Variants in NFATC1 observed in about 807,000 individuals in gnomAD.
The protein encoded by NFATC1 is nuclear factor of activated T-cells, cytoplasmic 1.
A neutral mutation model predicts 76.0 loss-of-function variants in NFATC1; 22 were observed. That is an observed-to-expected ratio of 0.29 (90% CI 0.21 to 0.41). NFATC1 has a LOEUF of 0.41. NFATC1 is among the 10% of genes least tolerant of loss of function. The probability of loss-of-function intolerance (pLI) is 1.00; values close to 1 mark genes in which losing one functional copy is unlikely to be tolerated. For synonymous variants in NFATC1, 704 were observed against 613.1 expected (o/e 1.15, Z -2.19); for missense variants, 1,357 against 1,337.7 (o/e 1.01, Z -0.23).
intron 9 of NFATC1, among the ~76,000 whole-genome samples, chr18:79,506,360 C>T (rs2090121139): frequency 6.6e-6 from 1 of 152,252 alleles, no homozygotes; most frequent in Middle Eastern, 3.4e-3. Context: ...TGCGCCTTGT[C>T]CCCCCATCTT....
chr18:79,458,367 C>T (rs963957150), intron 6 of NFATC1, among the ~76,000 whole-genome samples: 4 of 152,184 alleles, frequency 2.6e-5, no homozygotes, highest in Non-Finnish European at 4.4e-5. Context: ...GGGAGCAGGG[C>T]TCGAGGGCAC....
At chr18:79,464,845 A>T (rs1464660173) in intron 7 of NFATC1, among the ~76,000 whole-genome samples, 1 of 151,238 alleles carries the variant, frequency 6.6e-6, no homozygotes, top group Non-Finnish European at 1.5e-5. Flanking sequence ...AGCTGGGGAC[A>T]CAAGTGTGCC....
At chr18:79,408,562 C>T (rs1001331157) in intron 1 of NFATC1, among the ~76,000 whole-genome samples, 1 of 152,232 alleles carries the variant, frequency 6.6e-6, no homozygotes, top group Non-Finnish European at 1.5e-5. Flanking sequence ...GGATATGAGC[C>T]AGTATCAGAA....
At position 79,477,405 on chromosome 18, in the gene NFATC1, T is replaced by C. The variant is rs1048791750; in HGVS notation, c.2093-8843T>C. 4.6e-5 allele frequency among the ~76,000 whole-genome samples: 7 copies of C among 152,258 alleles called. No individual in the cohort carries two copies. The South Asian group carries it at 1.0e-3, about 22-fold the overall frequency. On this transcript the variant is annotated intron_variant, in intron 8 of 9. Coordinates refer to ENST00000427363, the MANE Select transcript of NFATC1 (RefSeq NM_001278669.2). Reference sequence around the variant, plus strand: ...AGGGAACTGTCTTGGGATCATTCTTTGCTGTGCACAGCAGCTGCAGCCTGC... The same window carrying C: ...AGGGAACTGTCTTGGGATCATTCTTCGCTGTGCACAGCAGCTGCAGCCTGC...
At chr18:79,451,909 G>T in intron 6 of NFATC1, 93 bp downstream of exon 6, 1 of 1,463,848 alleles carries the variant, frequency 6.8e-7, no homozygotes, top group Non-Finnish European at 9.2e-7. Context: ...CCTGTGCACG[G>T]TCACCGGGAC....
rs543288539 is a variant in NFATC1 at position 79,493,003 on chromosome 18, CAAT to C, written c.2782+6067_2782+6069del. 6.6e-4 allele frequency among the ~76,000 whole-genome samples: 94 copies of C among 141,454 alleles called. 1 individual carries two copies. The highest frequency in any genetic ancestry group is 2.2e-3 in the African/African-American group (86 of 38,364). The allele number at this position is 141,454 out of a possible 152,430, so 92.8% of individuals were successfully genotyped here. On this transcript the variant is annotated intron_variant, in intron 9 of 9. Coordinates refer to ENST00000427363, the MANE Select transcript of NFATC1 (RefSeq NM_001278669.2). ...TGCTTGACCCATAAATAAATTCCAA[CAAT>C]GAGGTCGTCTTTGTTTCTCCTGAAT...
chr18:79,401,423 G>A (rs1309768462), intron 1 of NFATC1, among the ~76,000 whole-genome samples: 2 of 152,140 alleles, frequency 1.3e-5, no homozygotes, highest in African/African-American at 4.8e-5. Context: ...TGCTGCCTGC[G>A]GTTCTCGACT....
At chr18:79,489,724 A>C (rs1360863280) in intron 9 of NFATC1, among the ~76,000 whole-genome samples, 1 of 152,134 alleles carries the variant, frequency 6.6e-6, no homozygotes, top group Non-Finnish European at 1.5e-5. Context: ...CATCTCGTCC[A>C]CGTACGCTTC....
rs192614938 is a variant in NFATC1, at chr18:79,405,576, G to A, written c.128-4827G>A. Among the ~76,000 whole-genome samples, 836 of 152,352 alleles carry A rather than the reference G, an allele frequency of 5.5e-3. 6 individuals carry two copies. The highest frequency in any genetic ancestry group is 9.2e-3 in the Non-Finnish European group (627 of 68,038). On this transcript the variant is annotated intron_variant, in intron 1 of 9. Transcript: ENST00000427363. ...CCAGGACAGTGGCCCCCGGCGTGTG[G>A]GGCTTGGCCTCTGGGGGCAGCTTGA...
intron 3 of NFATC1, among the ~76,000 whole-genome samples, chr18:79,435,011 A>G (rs1004628880): frequency 2.0e-5 from 3 of 152,242 alleles, no homozygotes; most frequent in Non-Finnish European, 2.9e-5. Flanking sequence ...AAGGTCAGAC[A>G]GCGCTGCACC....
At position 79,475,535 on chromosome 18, in the gene NFATC1, T is replaced by C. The variant is rs541986002; in HGVS notation, c.2092+7953T>C. On this transcript the variant is annotated intron_variant, in intron 8 of 9. Transcript: ENST00000427363. ...GTGTTCTCATGCTCACCGTCGACAC[T>C]GTAAACCTGAGTGAAGTGTGTTCTC... 5.8e-4 allele frequency among the ~76,000 whole-genome samples: 86 copies of C among 148,140 alleles called. 1 individual carries two copies. The highest frequency in any genetic ancestry group is 1.0e-3 in the Non-Finnish European group (70 of 67,788).
intron 9 of NFATC1, among the ~76,000 whole-genome samples, chr18:79,504,113 C>G (rs1483976531): frequency 6.6e-6 from 1 of 152,206 alleles, no homozygotes; most frequent in Non-Finnish European, 1.5e-5. Flanking sequence ...GTTCCGCCCT[C>G]TTATCATCGG....
At chr18:79,431,761 G>A (rs2086596593) in intron 2 of NFATC1, among the ~76,000 whole-genome samples, 1 of 151,968 alleles carries the variant, frequency 6.6e-6, no homozygotes, top group Non-Finnish European at 1.5e-5. Flanking sequence ...GGAGTGCAGT[G>A]GCGCGATCTC....
intron 2 of NFATC1, among the ~76,000 whole-genome samples, chr18:79,419,846 A>T (rs1434892485): frequency 6.6e-6 from 1 of 152,242 alleles, no homozygotes. Flanking sequence ...ATTAAACCTG[A>T]GTCGGGAGTT....
In NFATC1 at chr18:79,473,097, T is replaced by A. The variant is rs529413162; in HGVS notation, c.2092+5515T>A. Among the ~76,000 whole-genome samples, 139 of 152,368 alleles carry A rather than the reference T, an allele frequency of 9.1e-4. 2 individuals carry two copies. The South Asian group carries it at 9.3e-3, about 10-fold the overall frequency. ...CCGCAGCTTAGAAGTCCTACCTGAT[T>A]TCAGACAGAGCGGATGATGCTGACA... On this transcript the variant is annotated intron_variant, in intron 8 of 9. Transcript: ENST00000427363.
intron 9 of NFATC1, among the ~76,000 whole-genome samples, chr18:79,491,637 C>G (rs1159360671): frequency 6.6e-6 from 1 of 152,238 alleles, no homozygotes; most frequent in Non-Finnish European, 1.5e-5. Flanking sequence ...GCCGGGTCCA[C>G]TTTCCAGCCT....
intron 9 of NFATC1, among the ~76,000 whole-genome samples, chr18:79,490,310 A>C (rs1386417590): frequency 6.9e-6 from 1 of 145,350 alleles, no homozygotes; most frequent in Non-Finnish European, 1.5e-5. Context: ...GGGTTAGGAC[A>C]GGGTGGTCCC....
intron 2 of NFATC1, among the ~76,000 whole-genome samples, chr18:79,425,375 G>T (rs1429564676): frequency 2.6e-5 from 4 of 151,670 alleles, no homozygotes; most frequent in Non-Finnish European, 5.9e-5. Flanking sequence ...GGCTGAGGAG[G>T]GCTGCGGGAG....
intron 6 of NFATC1, among the ~76,000 whole-genome samples, chr18:79,453,098 G>A (rs1047427198): frequency 6.6e-6 from 1 of 152,222 alleles, no homozygotes; most frequent in African/African-American, 2.4e-5. Context: ...CATTTGCATT[G>A]CCCGTGCCTT....
Sources: gnomAD v4.1 joint callset for allele counts (sites outside exome capture counted in the v4.1 genomes callset) on GRCh38, gnomAD v4.1.1 for gene constraint, MANE v1.5 for transcripts, NCBI Gene and HGNC (gene_info 2026-07-23, HGNC 2026-07-21) for gene names.